Variants in DLG2 observed in about 807,000 individuals in gnomAD.
DLG2 encodes discs large MAGUK scaffold protein 2.
In DLG2, 45 loss-of-function variants were observed where a neutral mutation model predicts 132.5. The ratio of observed to expected loss-of-function variants is 0.34; its 90% CI spans 0.27 to 0.44. The LOEUF (loss-of-function observed/expected upper bound fraction) is 0.44. DLG2 is among the 20% of genes least tolerant of loss of function. The pLI, the probability that DLG2 is intolerant of heterozygous loss-of-function variation, is 1.00. For missense variants in DLG2, 1,045 were observed against 1,196.9 expected, an observed-to-expected ratio of 0.87 and a Z score of 1.87; for synonymous variants, 424 against 419.6, an observed-to-expected ratio of 1.01 and a Z score of -0.13.
intron 18 of DLG2, among the ~76,000 whole-genome samples, chr11:83,669,237 T>C (rs1398106636): frequency 1.3e-5 from 2 of 152,166 alleles, no homozygotes; most frequent in African/African-American, 4.8e-5. Flanking sequence ...AAATTACTCA[T>C]TCCTATTAAT....
chr11:84,922,177 A>T (rs1397968436), intron 6 of DLG2, among the ~76,000 whole-genome samples: 1 of 132,278 alleles, frequency 7.6e-6, no homozygotes, highest in East Asian at 2.0e-4. Context: ...ATTGACTTTA[A>T]AAAAAAAAAA....
chr11:83,581,732 G>C (rs527392515), intron 19 of DLG2, among the ~76,000 whole-genome samples: 1 of 152,134 alleles, frequency 6.6e-6, no homozygotes, highest in African/African-American at 2.4e-5. Flanking sequence ...AATGTAAAGA[G>C]TAAGAGTGCA....
intron 3 of DLG2, among the ~76,000 whole-genome samples, chr11:85,488,765 C>A (rs1303963928): frequency 1.3e-5 from 2 of 152,090 alleles, no homozygotes; most frequent in Non-Finnish European, 2.9e-5. Flanking sequence ...GATTAATGTT[C>A]ATAAATGAAG....
intron 6 of DLG2, among the ~76,000 whole-genome samples, chr11:84,999,595 G>T (rs895020588): frequency 1.3e-5 from 2 of 152,048 alleles, no homozygotes; most frequent in Admixed American, 1.3e-4. Flanking sequence ...CGTTAATAAG[G>T]TTCACTGTGG....
chr11:84,043,755 G>A (rs903727915), intron 11 of DLG2, among the ~76,000 whole-genome samples: 5 of 151,162 alleles, frequency 3.3e-5, no homozygotes, highest in East Asian at 2.0e-4. Context: ...GCTCTTTGTC[G>A]CTATTTTCAG....
At chr11:84,574,870 TC>T (rs2099495410) in intron 6 of DLG2, among the ~76,000 whole-genome samples, 2 of 152,140 alleles carry the variant, frequency 1.3e-5, no homozygotes, top group Non-Finnish European at 2.9e-5. Flanking sequence ...ATCTGACTTT[TC>T]CCATTGCTTG....
intron 6 of DLG2, among the ~76,000 whole-genome samples, chr11:84,537,528 C>G (rs1207864277): frequency 2.0e-5 from 3 of 152,044 alleles, no homozygotes; most frequent in Admixed American, 2.0e-4. Flanking sequence ...AAAATTTTGA[C>G]CATTTTAACC....
chr11:84,616,687 A>G (rs983525319), intron 6 of DLG2, among the ~76,000 whole-genome samples: 1 of 152,160 alleles, frequency 6.6e-6, no homozygotes, highest in Non-Finnish European at 1.5e-5. Flanking sequence ...ACCTCATCTA[A>G]TGAAAAATGA....
At chr11:85,373,876 C>A (rs143472166) in intron 3 of DLG2, among the ~76,000 whole-genome samples, 54 of 152,170 alleles carry the variant, frequency 3.5e-4, no homozygotes, top group African/African-American at 1.3e-3. Context: ...GGCCCCTTTG[C>A]CTCAATTTAG....
intron 7 of DLG2, chr11:84,316,900 G>A (rs1416427728): frequency 6.2e-7 from 1 of 1,612,878 alleles, no homozygotes; most frequent in Admixed American, 1.7e-5. Context: ...TGCTCGTCTT[G>A]TGGGGGCTTT....
intron 3 of DLG2, among the ~76,000 whole-genome samples, chr11:85,409,712 C>T (rs767846648): frequency 2.0e-5 from 3 of 151,736 alleles, no homozygotes; most frequent in Admixed American, 6.6e-5. Context: ...ATACCGAATA[C>T]TGGGCTTGAA....
intron 7 of DLG2, among the ~76,000 whole-genome samples, chr11:84,497,900 A>G (rs1423861596): frequency 6.6e-6 from 1 of 152,170 alleles, no homozygotes; most frequent in East Asian, 1.9e-4. Context: ...GTATCCACTG[A>G]TTGAGCTATG....
rs192473557 is a variant in DLG2, at chr11:84,374,111, T to C, written c.520-122820A>G. Among the ~76,000 whole-genome samples, 10 of 152,302 alleles carry C rather than the reference T, an allele frequency of 6.6e-5. No individual in the cohort carries two copies. The East Asian group carries it at 1.9e-3, about 29-fold the overall frequency. On this transcript the variant is annotated intron_variant, in intron 7 of 27. Coordinates refer to ENST00000376104, the MANE Select transcript of DLG2 (RefSeq NM_001142699.3). ...CCAAATAGCTTGCTTGATATGTTCC[T>C]TCCAAAATTATTTGTTTCATGGGGA...
At chr11:83,753,870 T>TAC (rs1566832968) in intron 18 of DLG2, among the ~76,000 whole-genome samples, 2 of 90,060 alleles carry the variant, frequency 2.2e-5, no homozygotes, top group Non-Finnish European at 3.8e-5. Context: ...ATATTTCATA[T>TAC]ATATGATATA....
In DLG2 at chr11:84,554,917, C is replaced by G. The variant is rs563270455; in HGVS notation, c.358-20186G>C. On this transcript the variant is annotated intron_variant, in intron 6 of 27. Transcript: ENST00000376104. ...TCTCCCATGTGAAGAGGTGGGTAAG[C>G]TGCCTTTCAAATGAAAGGAAGAACA... Among the ~76,000 whole-genome samples the G allele has an allele frequency of 2.6e-4, 39 of 152,248 alleles. 1 individual carries two copies. In the South Asian group the frequency reaches 8.1e-3, roughly 32 times the overall value.
At chr11:85,559,059 G>C (rs1034889429) in intron 3 of DLG2, among the ~76,000 whole-genome samples, 10 of 151,760 alleles carry the variant, frequency 6.6e-5, no homozygotes, top group African/African-American at 2.4e-4. Context: ...GAAATAGATA[G>C]TGGTGATGTT....
intron 2 of DLG2, among the ~76,000 whole-genome samples, chr11:85,600,758 T>G (rs751322161): frequency 1.4e-4 from 21 of 152,226 alleles, no homozygotes; most frequent in Admixed American, 2.6e-4. Flanking sequence ...TGTTATTTGT[T>G]TACTGAATCA....
chr11:83,586,861 C>T (rs2097095042), intron 19 of DLG2, among the ~76,000 whole-genome samples: 1 of 152,184 alleles, frequency 6.6e-6, no homozygotes, highest in South Asian at 2.1e-4. Flanking sequence ...AATGTTTTCT[C>T]TAACCCACAG....
chr11:85,049,471 T>C (rs764195073), intron 6 of DLG2, among the ~76,000 whole-genome samples: 21 of 152,070 alleles, frequency 1.4e-4, no homozygotes, highest in Non-Finnish European at 1.9e-4. Flanking sequence ...CTGAACATTA[T>C]TGACATTTTA....
Sources: gnomAD v4.1 joint callset for allele counts (sites outside exome capture counted in the v4.1 genomes callset) on GRCh38, gnomAD v4.1.1 for gene constraint, MANE v1.5 for transcripts, NCBI Gene and HGNC (gene_info 2026-07-23, HGNC 2026-07-21) for gene names.